The following FYTTD1 variants were observed in gnomAD, a reference collection of about 807,000 sequenced individuals.
FYTTD1 encodes the protein forty-two-three domain containing 1, also known as UAP56-interacting factor.
FYTTD1 carries 22 observed loss-of-function variants against 40.9 expected under a neutral mutation model. The ratio of observed to expected loss-of-function variants is 0.54; its 90% CI spans 0.38 to 0.77. The LOEUF (loss-of-function observed/expected upper bound fraction) is 0.77. Ranked by LOEUF, FYTTD1 falls within the 30% of genes least tolerant of loss-of-function variation. The pLI, the probability that FYTTD1 is intolerant of heterozygous loss-of-function variation, is 0.00. For missense variants in FYTTD1, 351 were observed against 392.2 expected (o/e 0.90, Z 0.89); for synonymous variants, 140 against 137.9 (o/e 1.01, Z -0.10).
At position 197,756,417 on chromosome 3, in the gene FYTTD1, C is replaced by G. The variant is rs191491925; in HGVS notation, c.104-9C>G. ...AAAATGAAAATAATTGACATTTCCT[C>G]TATCATAGATGATATCATCAAGTTG... On this transcript the variant is annotated splice_polypyrimidine_tract_variant and intron_variant, in intron 1 of 8. Coordinates refer to ENST00000241502, the MANE Select transcript of FYTTD1 (RefSeq NM_032288.7). 1 of 1,592,736 alleles carries G rather than the reference C, an allele frequency of 6.3e-7. No individual in the cohort carries two copies. The highest frequency in any genetic ancestry group is 2.2e-5 in the East Asian group (1 of 44,732).
chr3:197,776,810 A>G (rs1729888248), intron 6 of FYTTD1, 117 bp from the exon 7 acceptor site: 3 of 658,514 alleles, frequency 4.6e-6, no homozygotes, highest in Non-Finnish European at 7.7e-6. Context: ...TCAGGTACTT[A>G]TTTCTTACAA....
At chr3:197,777,469 A>T (rs990050967) in intron 7 of FYTTD1, among the ~76,000 whole-genome samples, 1 of 151,976 alleles carries the variant, frequency 6.6e-6, no homozygotes, top group Non-Finnish European at 1.5e-5. Flanking sequence ...GAACTCCTAG[A>T]CTTAAGCAGT....
At chr3:197,753,528 AT>A (rs200699998) in intron 1 of FYTTD1, among the ~76,000 whole-genome samples, 6,430 of 143,884 alleles carry the variant, frequency 0.045, 220 homozygotes, top group African/African-American at 0.093. Context: ...ATTGTAAGGA[AT>A]TTTTTTTTTT....
rs773216166 is a variant in FYTTD1, at chr3:197,784,751, A to C, written c.*2842A>C. ...GATTGCAGTGAGCCGAGACCACGCC[A>C]TTGCACTCCAGCCTGGGTGACAGAG... On this transcript the variant is annotated 3_prime_UTR_variant, in exon 9 of 9. Coordinates refer to ENST00000241502, the MANE Select transcript of FYTTD1 (RefSeq NM_032288.7). 5 of 152,184 alleles carry C rather than the reference A, an allele frequency of 3.3e-5. No individual in the cohort carries two copies. The highest frequency in any genetic ancestry group is 5.9e-5 in the Non-Finnish European group (4 of 68,048). The allele number at this position is 152,184 out of a possible 1,614,324, so 9.4% of individuals were successfully genotyped here.
intron 8 of FYTTD1, among the ~76,000 whole-genome samples, chr3:197,778,781 T>A (rs1729945201): frequency 6.6e-6 from 1 of 152,236 alleles, no homozygotes; most frequent in Admixed American, 6.5e-5. Flanking sequence ...ATTTATTCCT[T>A]CATTACTGGA....
chr3:197,751,630 T>TC (rs1333235402), intron 1 of FYTTD1, among the ~76,000 whole-genome samples: 2 of 147,948 alleles, frequency 1.4e-5, no homozygotes, highest in African/African-American at 5.1e-5. Context: ...AGACCCTGTC[T>TC]CCCCCCGCTC....
chr3:197,768,659 T>A (rs1407525476), intron 3 of FYTTD1, 72 bp downstream of exon 3: 2 of 1,275,962 alleles, frequency 1.6e-6, no homozygotes, highest in African/African-American at 3.0e-5. Flanking sequence ...GTGAATAAGC[T>A]TAAGAGAGAA....
At position 197,750,293 on chromosome 3, in the gene FYTTD1, G is replaced by C. The variant is rs911135979; in HGVS notation, c.103+219G>C. ...GGGACCCGGGCGTCCCCTCGGCCGCGGCAGTCGGAGGAGGGGCTGTGGAGG... is the reference window on the plus strand; with the variant it reads ...GGGACCCGGGCGTCCCCTCGGCCGCCGCAGTCGGAGGAGGGGCTGTGGAGG... On this transcript the variant is annotated intron_variant, in intron 1 of 8. Transcript: ENST00000241502. 3.8e-6 allele frequency: 4 copies of C among 1,058,206 alleles called. No individual in the cohort carries two copies. In the African/African-American group the frequency reaches 6.6e-5, roughly 18 times the overall value. The allele number at this position is 1,058,206 out of a possible 1,614,324, so 65.6% of individuals were successfully genotyped here.
At position 197,759,506 on chromosome 3, in the gene FYTTD1, A is replaced by G. The variant is rs192272835; in HGVS notation, c.235+2949A>G. Among the ~76,000 whole-genome samples, 496 of 151,728 alleles carry G rather than the reference A, an allele frequency of 3.3e-3. 2 individuals carry two copies. Among genetic ancestry groups the G allele is most frequent in the African/African-American group, 0.01 (425 of 41,298 alleles). ...GAGTTGTTCCTCAGTGGTAGAATGTATGGAGTTGTTCCTCAGTGGTAGAAC... is the reference window on the plus strand; with the variant it reads ...GAGTTGTTCCTCAGTGGTAGAATGTGTGGAGTTGTTCCTCAGTGGTAGAAC... On this transcript the variant is annotated intron_variant, in intron 2 of 8. Transcript: ENST00000241502.
intron 2 of FYTTD1, among the ~76,000 whole-genome samples, chr3:197,766,479 C>G (rs1251587757): frequency 3.0e-5 from 2 of 66,360 alleles, no homozygotes. Context: ...GGGTCTTGCT[C>G]TGTCACCCCA....
intron 2 of FYTTD1, among the ~76,000 whole-genome samples, chr3:197,764,433 G>A (rs1729478337): frequency 6.6e-6 from 1 of 152,100 alleles, no homozygotes; most frequent in African/African-American, 2.4e-5. Flanking sequence ...GAGGAGGCGG[G>A]GCCAAGTGGC....
chr3:197,763,997 C>T (rs1729466597), intron 2 of FYTTD1, among the ~76,000 whole-genome samples: 1 of 152,112 alleles, frequency 6.6e-6, no homozygotes, highest in Non-Finnish European at 1.5e-5. Flanking sequence ...AGAGGTAGGG[C>T]TTGGAGGATT....
At chr3:197,762,628 A>G (rs1729422132) in intron 2 of FYTTD1, among the ~76,000 whole-genome samples, 1 of 151,824 alleles carries the variant, frequency 6.6e-6, no homozygotes, top group African/African-American at 2.4e-5. Flanking sequence ...CATGCCTGTA[A>G]TCCCAGCACT....
chr3:197,787,515 ATTAAGAT>A lies in FYTTD1; in HGVS notation c.*5609_*5615del, dbSNP rs1399291520. 1 of 152,266 alleles carries A rather than the reference ATTAAGAT, an allele frequency of 6.6e-6. No homozygotes were observed. The highest frequency in any genetic ancestry group is 1.5e-5 in the Non-Finnish European group (1 of 68,070). 9.4% of individuals were successfully genotyped at this position (152,266 alleles called of 1,614,324 possible). A position where few individuals can be genotyped will look rare whatever the true frequency, so the allele number is the denominator to read the frequency against. On this transcript the variant is annotated 3_prime_UTR_variant, in exon 9 of 9. Transcript: ENST00000241502. Reference sequence around the variant, plus strand: ...GTGAAATGCAGAGCTGGAAAGAACTATTAAGATTTGAGTGAAACTTTTGCCCCCTGTG... The same window carrying A: ...GTGAAATGCAGAGCTGGAAAGAACTATTGAGTGAAACTTTTGCCCCCTGTG...
chr3:197,749,615 CG>C (rs141802477), upstream of FYTTD1: 429 of 1,079,464 alleles, frequency 4.0e-4, no homozygotes, highest in African/African-American at 6.4e-3. Context: ...TCGAAGGACA[CG>C]GAGGATTATA....
At chr3:197,772,237 A>G (rs538180116) in intron 4 of FYTTD1, among the ~76,000 whole-genome samples, 1 of 152,350 alleles carries the variant, frequency 6.6e-6, no homozygotes, top group East Asian at 1.9e-4. Context: ...CTTACATGTT[A>G]ATTGGGTTAG....
At position 197,751,283 on chromosome 3, in the gene FYTTD1, C is replaced by A. The variant is rs530143457; in HGVS notation, c.103+1209C>A. 5.2e-3 allele frequency among the ~76,000 whole-genome samples: 789 copies of A among 152,306 alleles called. 2 individuals carry two copies. The highest frequency in any genetic ancestry group is 7.0e-3 in the Non-Finnish European group (474 of 68,018). On this transcript the variant is annotated intron_variant, in intron 1 of 8. Coordinates refer to ENST00000241502, the MANE Select transcript of FYTTD1 (RefSeq NM_032288.7). Reference sequence around the variant, plus strand: ...CCAGTATGTGAACTAAGCAAATGATCAGAAATAATAGGTTTGGCCTCAAGT... The same window carrying A: ...CCAGTATGTGAACTAAGCAAATGATAAGAAATAATAGGTTTGGCCTCAAGT...
At chr3:197,770,993 G>T (rs1249585484) in intron 4 of FYTTD1, among the ~76,000 whole-genome samples, 1 of 152,198 alleles carries the variant, frequency 6.6e-6, no homozygotes, top group Non-Finnish European at 1.5e-5. Context: ...TAGAAAGGGA[G>T]AATTCTTCAT....
At chr3:197,772,000 A>G (rs1401398883) in intron 4 of FYTTD1, among the ~76,000 whole-genome samples, 1 of 152,124 alleles carries the variant, frequency 6.6e-6, no homozygotes, top group Non-Finnish European at 1.5e-5. Context: ...AGGCTGAGGC[A>G]GGAGAATCGC....
Sources: allele counts gnomAD v4.1 joint callset (sites outside exome capture counted in the v4.1 genomes callset), GRCh38; gene constraint gnomAD v4.1.1; transcripts MANE v1.5; gene names NCBI Gene and HGNC (gene_info 2026-07-23, HGNC 2026-07-21).